The following DGKB variants were observed in gnomAD, a reference collection of about 807,000 sequenced individuals.
DGKB encodes the protein 90 kDa diacylglycerol kinase.
A neutral mutation model predicts 114.3 loss-of-function variants in DGKB; 67 were observed. The observed-to-expected ratio is 0.59, with a 90% CI of 0.48 to 0.72. The LOEUF is 0.72. DGKB is among the 30% of genes least tolerant of loss of function. DGKB has a pLI of 0.00. For synonymous variants in DGKB, 398 were observed against 323.1 expected, an observed-to-expected ratio of 1.23 and a Z score of -2.49; for missense variants, 907 against 975.2, an observed-to-expected ratio of 0.93 and a Z score of 0.93.
chr7:14,363,587 A>G (rs1816128902), intron 21 of DGKB, among the ~76,000 whole-genome samples: 1 of 152,110 alleles, frequency 6.6e-6, no homozygotes, highest in Non-Finnish European at 1.5e-5. Flanking sequence ...TTATGAAGAG[A>G]TAAGATTGTG....
intron 25 of DGKB, among the ~76,000 whole-genome samples, chr7:14,154,540 T>C (rs552937221): frequency 6.6e-5 from 10 of 151,910 alleles, no homozygotes; most frequent in Admixed American, 2.0e-4. Flanking sequence ...ACGAAATGCT[T>C]AGACTGTTAC....
At chr7:14,337,966 T>C (rs1810975337) in intron 23 of DGKB, among the ~76,000 whole-genome samples, 2 of 152,144 alleles carry the variant, frequency 1.3e-5, no homozygotes, top group African/African-American at 4.8e-5. Context: ...TTGCTTTCTG[T>C]TTCCCAGGTC....
intron 23 of DGKB, among the ~76,000 whole-genome samples, chr7:14,238,926 G>A (rs1246806499): frequency 6.6e-6 from 1 of 151,938 alleles, no homozygotes; most frequent in East Asian, 1.9e-4. Context: ...GGTCAAAAAA[G>A]GATAGAAACA....
rs1854390853 is a variant in DGKB, at chr7:14,882,503, G to A, written c.-188+20089C>T. 3.9e-5 allele frequency among the ~76,000 whole-genome samples: 6 copies of A among 151,994 alleles called. No individual in the cohort carries two copies. In the South Asian group the frequency reaches 1.2e-3, roughly 31 times the overall value. On this transcript the variant is annotated intron_variant, in intron 1 of 25. Coordinates refer to ENST00000402815, the MANE Select transcript of DGKB (RefSeq NM_001350709.2). ...CAATTTTGTTACATGCATAGATTGTGTAGTGGTCAAGTCAGAGCTTTTGGT... is the reference window on the plus strand; with the variant it reads ...CAATTTTGTTACATGCATAGATTGTATAGTGGTCAAGTCAGAGCTTTTGGT...
chr7:14,250,406 A>G (rs1223733756), intron 23 of DGKB, among the ~76,000 whole-genome samples: 2 of 151,970 alleles, frequency 1.3e-5, no homozygotes, highest in Non-Finnish European at 2.9e-5. Context: ...TTTGGCTTTT[A>G]TCCAATGGTT....
chr7:14,574,289 C>T lies in DGKB; in HGVS notation c.1693G>A (p.Val565Ile). The T allele has an allele frequency of 1.2e-6, 2 of 1,613,308 alleles. No individual in the cohort carries two copies. The highest frequency in any genetic ancestry group is 1.7e-6 in the Non-Finnish European group (2 of 1,179,468). Residue 565 changes from valine to isoleucine, a missense_variant, in exon 20 of 26, where the codon GTC (valine) becomes ATC (isoleucine). Transcript: ENST00000402815. Reference sequence around the variant, plus strand: ...TTCTCATCTTTGTCATTAGGTATGACTTCAAACTTCCACCTGTCCAACATG... The same window carrying T: ...TTCTCATCTTTGTCATTAGGTATGATTTCAAACTTCCACCTGTCCAACATG... ...EIMLDRWKFE[V>I]IPNDKDEKGD...
intron 17 of DGKB, among the ~76,000 whole-genome samples, chr7:14,605,438 T>C (rs943553944): frequency 6.6e-6 from 1 of 150,836 alleles, no homozygotes; most frequent in Admixed American, 6.7e-5. Context: ...GAGGGGAATA[T>C]GCTCATTTAT....
At chr7:14,974,306 G>T (rs556633887) in intron 1 of DGKB, among the ~76,000 whole-genome samples, 3 of 152,010 alleles carry the variant, frequency 2.0e-5, no homozygotes, top group African/African-American at 7.2e-5. Context: ...GGGAAAGGGG[G>T]CAGAAAACAC....
chr7:14,427,866 C>T (rs1827813470), intron 21 of DGKB, among the ~76,000 whole-genome samples: 2 of 152,102 alleles, frequency 1.3e-5, no homozygotes. Context: ...AACCATACCA[C>T]AATGTTTTAG....
At chr7:14,944,694 T>C (rs193054038) in intron 1 of DGKB, among the ~76,000 whole-genome samples, 31,323 of 151,518 alleles carry the variant, frequency 0.21, 4,976 homozygotes, top group East Asian at 0.78. Context: ...TGTGAGGAAG[T>C]TGCTACTCAT....
chr7:14,372,364 G>A (rs1198577245), intron 21 of DGKB, among the ~76,000 whole-genome samples: 1 of 152,158 alleles, frequency 6.6e-6, no homozygotes, highest in Non-Finnish European at 1.5e-5. Flanking sequence ...ACCTCCAAGT[G>A]GCTGAGGCAA....
At chr7:14,670,011 G>T (rs1004155702) in intron 13 of DGKB, among the ~76,000 whole-genome samples, 1 of 151,984 alleles carries the variant, frequency 6.6e-6, no homozygotes, top group Non-Finnish European at 1.5e-5. Flanking sequence ...AAAATCCACT[G>T]TTCTATGTCT....
chr7:14,646,287 G>C (rs1453428536), intron 13 of DGKB, among the ~76,000 whole-genome samples: 2 of 152,102 alleles, frequency 1.3e-5, no homozygotes, highest in Non-Finnish European at 2.9e-5. Flanking sequence ...AAGGTCATTA[G>C]ATAAAAATTA....
intron 13 of DGKB, among the ~76,000 whole-genome samples, chr7:14,637,852 A>G (rs1811038441): frequency 6.6e-6 from 1 of 151,958 alleles, no homozygotes; most frequent in South Asian, 2.1e-4. Flanking sequence ...AAAATATTCT[A>G]TTGGAGTAAC....
At chr7:14,450,954 A>T (rs1227489551) in intron 21 of DGKB, among the ~76,000 whole-genome samples, 2 of 152,082 alleles carry the variant, frequency 1.3e-5, no homozygotes, top group African/African-American at 4.8e-5. Context: ...GTCTACAACC[A>T]TCAGGAATAG....
intron 2 of DGKB, among the ~76,000 whole-genome samples, chr7:14,830,702 A>G (rs920987116): frequency 6.6e-5 from 10 of 152,100 alleles, no homozygotes; most frequent in African/African-American, 2.4e-4. Context: ...TAAAGACACT[A>G]TGACACCATG....
At chr7:14,909,663 G>A (rs1783885414) in intron 1 of DGKB, among the ~76,000 whole-genome samples, 1 of 152,090 alleles carries the variant, frequency 6.6e-6, no homozygotes, top group African/African-American at 2.4e-5. Flanking sequence ...TTAAAACAAT[G>A]ATTAAATATA....
At chr7:14,182,863 G>C (rs1782840697) in intron 23 of DGKB, among the ~76,000 whole-genome samples, 1 of 152,178 alleles carries the variant, frequency 6.6e-6, no homozygotes, top group Non-Finnish European at 1.5e-5. Context: ...AACACAGAAT[G>C]AATGTGGGTT....
In DGKB at chr7:14,713,174, T is replaced by C. The variant is rs1033483793; in HGVS notation, c.466+5368A>G. Among the ~76,000 whole-genome samples the C allele has an allele frequency of 3.3e-5, 5 of 152,136 alleles. No individual in the cohort carries two copies. In the East Asian group the frequency reaches 9.6e-4, roughly 29 times the overall value. ...ATATTATGCAAGATAATTTTTTATA[T>C]CCAAATTTTTTTTCCTTCCAAAAGA... is the stretch of plus-strand genomic sequence containing the variant. On this transcript the variant is annotated intron_variant, in intron 6 of 25. Transcript: ENST00000402815.
Sources: gnomAD v4.1 joint callset for allele counts (sites outside exome capture counted in the v4.1 genomes callset) on GRCh38, gnomAD v4.1.1 for gene constraint, MANE v1.5 for transcripts, NCBI Gene and HGNC (gene_info 2026-07-23, HGNC 2026-07-21) for gene names.